SPATS2L: variants seen among roughly 807,000 people sequenced by gnomAD.
SPATS2L encodes SPATS2-like protein.
In SPATS2L, 30 loss-of-function variants were observed where a neutral mutation model predicts 59.6. The observed-to-expected ratio is 0.50, with a 90% CI of 0.38 to 0.68. The LOEUF (loss-of-function observed/expected upper bound fraction) is 0.68, where lower values mean the gene tolerates loss of function less well. SPATS2L is among the 30% of genes least tolerant of loss of function. SPATS2L has a pLI of 0.00. For missense variants in SPATS2L, 615 were observed against 700.0 expected (o/e 0.88, Z 1.37); for synonymous variants, 252 against 263.5 (o/e 0.96, Z 0.42).
intron 2 of SPATS2L, among the ~76,000 whole-genome samples, chr2:200,363,206 A>G (rs141547666): frequency 2.6e-5 from 4 of 152,188 alleles, no homozygotes; most frequent in Non-Finnish European, 4.4e-5. Context: ...TTTTTTTTTA[A>G]TTATACTACT....
chr2:200,348,543 G>A (rs1459498711), intron 2 of SPATS2L, among the ~76,000 whole-genome samples: 4 of 152,206 alleles, frequency 2.6e-5, no homozygotes, highest in Non-Finnish European at 5.9e-5. Context: ...GCAGTGGCCA[G>A]GGACTGGCTA....
chr2:200,323,026 A>G (rs758309564), intron 1 of SPATS2L, among the ~76,000 whole-genome samples: 4 of 152,224 alleles, frequency 2.6e-5, no homozygotes, highest in Non-Finnish European at 5.9e-5. Flanking sequence ...AGTATCACTT[A>G]TGGACCCAAG....
chr2:200,312,174 TG>T (rs1293173791), intron 1 of SPATS2L, among the ~76,000 whole-genome samples: 1 of 152,190 alleles, frequency 6.6e-6, no homozygotes. Flanking sequence ...ATAACCAGTG[TG>T]TTCCTGGATA....
chr2:200,457,840 C>T (rs1301218650), intron 8 of SPATS2L, among the ~76,000 whole-genome samples: 4 of 152,208 alleles, frequency 2.6e-5, no homozygotes, highest in African/African-American at 9.7e-5. Flanking sequence ...TTCCAGAAGT[C>T]ACTTCTTACT....
intron 2 of SPATS2L, chr2:200,383,811 T>A: frequency 1.1e-6 from 1 of 904,096 alleles, no homozygotes; most frequent in Non-Finnish European, 1.3e-6. Context: ...AAAATTTTGT[T>A]AAAATCATTA....
At chr2:200,437,504 T>C (rs769508754) in intron 6 of SPATS2L, among the ~76,000 whole-genome samples, 1 of 152,176 alleles carries the variant, frequency 6.6e-6, no homozygotes, top group Admixed American at 6.5e-5. Context: ...CAAGGGAAAC[T>C]CATTTCACAC....
intron 2 of SPATS2L, among the ~76,000 whole-genome samples, chr2:200,357,128 C>T (rs990184868): frequency 2.0e-5 from 3 of 152,174 alleles, no homozygotes; most frequent in African/African-American, 4.8e-5. Flanking sequence ...TGAATATTTT[C>T]TTGAGAACTA....
chr2:200,401,085 T>C (rs1251350146), intron 3 of SPATS2L, among the ~76,000 whole-genome samples: 2 of 152,190 alleles, frequency 1.3e-5, no homozygotes, highest in African/African-American at 4.8e-5. Context: ...AGGTGGGATA[T>C]TGCAGTGGCT....
intron 1 of SPATS2L, 110 bp from the exon 2 acceptor site, chr2:200,329,321 T>C (rs1163281049): frequency 1.1e-6 from 1 of 895,748 alleles, no homozygotes; most frequent in African/African-American, 1.7e-5. Context: ...ACGAATTCCC[T>C]GTCTTCTTGA....
chr2:200,437,013 T>G (rs1397843565), intron 6 of SPATS2L, among the ~76,000 whole-genome samples: 1 of 152,162 alleles, frequency 6.6e-6, no homozygotes, highest in East Asian at 1.9e-4. Context: ...CTTGCTCCCA[T>G]TCTCACCATG....
chr2:200,473,630 A>G (rs936184844), intron 12 of SPATS2L, among the ~76,000 whole-genome samples: 1 of 152,198 alleles, frequency 6.6e-6, no homozygotes, highest in Non-Finnish European at 1.5e-5. Flanking sequence ...CCAAAGAACC[A>G]TCTTCCTTCT....
At chr2:200,445,667 T>C (rs2084985604) in intron 8 of SPATS2L, among the ~76,000 whole-genome samples, 1 of 152,248 alleles carries the variant, frequency 6.6e-6, no homozygotes, top group Non-Finnish European at 1.5e-5. Flanking sequence ...AATTTTAAAT[T>C]GTTGAAACAT....
chr2:200,326,729 G>A (rs1559041104), intron 1 of SPATS2L, among the ~76,000 whole-genome samples: 1 of 151,776 alleles, frequency 6.6e-6, no homozygotes. Flanking sequence ...ATATGTTTGA[G>A]CATTCTTTTT....
At chr2:200,412,082 G>T (rs2082895660) in intron 3 of SPATS2L, among the ~76,000 whole-genome samples, 1 of 152,124 alleles carries the variant, frequency 6.6e-6, no homozygotes, top group African/African-American at 2.4e-5. Context: ...ACTCCTACAA[G>T]GAGGTCTTTG....
chr2:200,474,463 C>A (rs1359829391), intron 12 of SPATS2L, among the ~76,000 whole-genome samples: 1 of 151,958 alleles, frequency 6.6e-6, no homozygotes, highest in Non-Finnish European at 1.5e-5. Context: ...CGTGCCACCA[C>A]GCCTGACTAA....
intron 6 of SPATS2L, among the ~76,000 whole-genome samples, chr2:200,433,961 G>T (rs538245066): frequency 6.6e-6 from 1 of 151,876 alleles, no homozygotes; most frequent in African/African-American, 2.4e-5. Flanking sequence ...AGCATAACTC[G>T]TATCAAAACC....
intron 9 of SPATS2L, among the ~76,000 whole-genome samples, chr2:200,461,852 A>G (rs1308334837): frequency 6.6e-6 from 1 of 152,188 alleles, no homozygotes; most frequent in Non-Finnish European, 1.5e-5. Context: ...AGTTTTCTAA[A>G]TTATTTTGTT....
At chr2:200,403,426 G>T (rs1427538942) in intron 3 of SPATS2L, among the ~76,000 whole-genome samples, 2 of 152,176 alleles carry the variant, frequency 1.3e-5, no homozygotes, top group Non-Finnish European at 2.9e-5. Context: ...CTGCAGAAAA[G>T]GGGTTATACT....
intron 1 of SPATS2L, among the ~76,000 whole-genome samples, chr2:200,325,292 G>A (rs1009510701): frequency 5.3e-5 from 8 of 152,060 alleles, no homozygotes; most frequent in South Asian, 2.1e-4. Flanking sequence ...CCCAAATTCC[G>A]TCCCATTCAA....
Sources: allele counts gnomAD v4.1 joint callset (sites outside exome capture counted in the v4.1 genomes callset), GRCh38; gene constraint gnomAD v4.1.1; transcripts MANE v1.5; gene names NCBI Gene and HGNC (gene_info 2026-07-23, HGNC 2026-07-21).